The following ANKS1B variants were observed in gnomAD, a reference collection of about 807,000 sequenced individuals.
ANKS1B encodes the protein ankyrin repeat and sterile alpha motif domain containing 1B, also known as ankyrin repeat and sterile alpha motif domain-containing protein 1B.
Under a neutral mutation model 148.3 loss-of-function variants are expected in ANKS1B, and 36 were observed. The ratio of observed to expected loss-of-function variants is 0.24; its 90% confidence interval spans 0.19 to 0.32. The LOEUF is 0.32. Ranked by LOEUF, ANKS1B falls within the 10% of genes least tolerant of loss-of-function variation. ANKS1B has a pLI of 1.00. For missense variants in ANKS1B, 1,157 were observed against 1,542.6 expected (o/e 0.75, Z 4.19); for synonymous variants, 542 against 560.8 (o/e 0.97, Z 0.47).
At chr12:99,488,879 G>A (rs910875060) in intron 10 of ANKS1B, among the ~76,000 whole-genome samples, 17 of 152,128 alleles carry the variant, frequency 1.1e-4, no homozygotes, top group African/African-American at 3.9e-4. Context: ...AATAGGGGAA[G>A]GATTGCTTTA....
At chr12:99,823,307 C>G (rs981755077) in intron 2 of ANKS1B, among the ~76,000 whole-genome samples, 3 of 151,756 alleles carry the variant, frequency 2.0e-5, no homozygotes, top group Non-Finnish European at 4.4e-5. Flanking sequence ...TCCCACTTGT[C>G]AATTTTATCT....
At chr12:99,730,505 C>T (rs1396561024) in intron 8 of ANKS1B, among the ~76,000 whole-genome samples, 1 of 152,154 alleles carries the variant, frequency 6.6e-6, no homozygotes, top group Non-Finnish European at 1.5e-5. Flanking sequence ...AAGGCAAGGA[C>T]AATCAGAACC....
intron 17 of ANKS1B, among the ~76,000 whole-genome samples, chr12:98,876,140 T>C (rs1219720713): frequency 1.3e-5 from 2 of 152,182 alleles, no homozygotes; most frequent in African/African-American, 4.8e-5. Context: ...TTCAATGGCT[T>C]CCCATTGCTA....
intron 1 of ANKS1B, among the ~76,000 whole-genome samples, chr12:99,953,505 A>G (rs1057459364): frequency 3.2e-4 from 49 of 152,166 alleles, no homozygotes; most frequent in Admixed American, 5.2e-4. Context: ...CCAGTGGAAG[A>G]CAAAAAGCCT....
intron 14 of ANKS1B, among the ~76,000 whole-genome samples, chr12:99,186,585 A>G (rs1005774698): frequency 2.0e-5 from 3 of 152,174 alleles, no homozygotes; most frequent in Non-Finnish European, 4.4e-5. Context: ...TGCCGCTGAT[A>G]CCCAGGCAAA....
intron 12 of ANKS1B, among the ~76,000 whole-genome samples, chr12:99,312,492 G>A (rs1363308861): frequency 2.0e-5 from 3 of 152,082 alleles, no homozygotes; most frequent in Admixed American, 6.6e-5. Context: ...AGAACTGTAA[G>A]TCTGCTTGTC....
At chr12:99,945,089 C>T (rs1231271626) in intron 1 of ANKS1B, among the ~76,000 whole-genome samples, 3 of 152,146 alleles carry the variant, frequency 2.0e-5, no homozygotes, top group Non-Finnish European at 4.4e-5. Context: ...AGAGGGTTTA[C>T]ATTCCAGTTG....
At chr12:99,054,173 C>A (rs969971953) in intron 16 of ANKS1B, among the ~76,000 whole-genome samples, 1 of 152,080 alleles carries the variant, frequency 6.6e-6, no homozygotes, top group Non-Finnish European at 1.5e-5. Flanking sequence ...CATGCCACGC[C>A]GTATATCTAA....
intron 15 of ANKS1B, among the ~76,000 whole-genome samples, chr12:99,101,018 C>T (rs1205765705): frequency 6.6e-6 from 1 of 152,112 alleles, no homozygotes; most frequent in Non-Finnish European, 1.5e-5. Flanking sequence ...GAAGGCACTG[C>T]GTGGATCGGT....
At chr12:98,974,146 G>T (rs79035793) in intron 17 of ANKS1B, among the ~76,000 whole-genome samples, 5 of 152,066 alleles carry the variant, frequency 3.3e-5, no homozygotes, top group Admixed American at 3.3e-4. Flanking sequence ...TTCTTAACTC[G>T]AAAAGTTAAG....
intron 1 of ANKS1B, among the ~76,000 whole-genome samples, chr12:99,903,485 C>T (rs968158603): frequency 1.3e-5 from 2 of 151,996 alleles, no homozygotes; most frequent in African/African-American, 4.8e-5. Flanking sequence ...AGGCTGATAC[C>T]CAGAGAGAAG....
intron 8 of ANKS1B, among the ~76,000 whole-genome samples, chr12:99,661,492 T>C (rs1191830567): frequency 6.6e-6 from 1 of 152,208 alleles, no homozygotes; most frequent in Non-Finnish European, 1.5e-5. Flanking sequence ...CATCTTGTTA[T>C]TGGACCATGA....
intron 2 of ANKS1B, among the ~76,000 whole-genome samples, chr12:99,824,815 T>C (rs2082969378): frequency 6.6e-6 from 1 of 152,200 alleles, no homozygotes; most frequent in African/African-American, 2.4e-5. Context: ...TTGGCAAATC[T>C]AAAACTAGAA....
At chr12:99,779,060 C>T (rs1601953505) in intron 6 of ANKS1B, among the ~76,000 whole-genome samples, 1 of 152,198 alleles carries the variant, frequency 6.6e-6, no homozygotes, top group African/African-American at 2.4e-5. Flanking sequence ...TTTTAAGTAA[C>T]ATGCTACATG....
intron 8 of ANKS1B, among the ~76,000 whole-genome samples, chr12:99,743,702 T>C (rs982478185): frequency 5.3e-5 from 8 of 152,168 alleles, no homozygotes. Context: ...CATAAAAAAT[T>C]ATGAACTAAA....
chr12:99,984,885 G>C lies in ANKS1B; in HGVS notation c.-648C>G, dbSNP rs1469162193. On this transcript the variant is annotated 5_prime_UTR_variant, in exon 1 of 27. Transcript: ENST00000683438. ...GCGAGGCCTGGCGCGCGGGGGGCGT[G>C]TGCGCGCGGGCAGGTGCGGCCCCTG... is the stretch of plus-strand genomic sequence containing the variant. 6.7e-6 allele frequency among the ~76,000 whole-genome samples: 1 copy of C among 148,560 alleles called. No individual in the cohort carries two copies. The highest frequency in any genetic ancestry group is 1.5e-5 in the Non-Finnish European group (1 of 66,810).
intron 17 of ANKS1B, among the ~76,000 whole-genome samples, chr12:98,946,979 G>A (rs563551669): frequency 8.3e-5 from 12 of 144,816 alleles, no homozygotes; most frequent in African/African-American, 3.0e-4. Flanking sequence ...TGTGTTTTGA[G>A]TAGACTTTTG....
chr12:99,789,822 T>C (rs2065429743), intron 4 of ANKS1B, among the ~76,000 whole-genome samples: 1 of 151,078 alleles, frequency 6.6e-6, no homozygotes, highest in South Asian at 2.1e-4. Flanking sequence ...GAAGACAAAA[T>C]AAAAAAAGAA....
intron 1 of ANKS1B, among the ~76,000 whole-genome samples, chr12:99,955,548 T>C (rs995029914): frequency 5.5e-5 from 8 of 145,328 alleles, no homozygotes; most frequent in African/African-American, 2.0e-4. Context: ...CTGTCTAACT[T>C]TGGAGTCTCA....
Sources: gnomAD v4.1 joint callset for allele counts (sites outside exome capture counted in the v4.1 genomes callset) on GRCh38, gnomAD v4.1.1 for gene constraint, MANE v1.5 for transcripts, NCBI Gene and HGNC (gene_info 2026-07-23, HGNC 2026-07-21) for gene names.